The following ZNF440 variants were observed in gnomAD, a reference collection of about 807,000 sequenced individuals.
The protein encoded by ZNF440 is zinc finger protein 440.
A neutral mutation model predicts 49.7 loss-of-function variants in ZNF440; 47 were observed. The observed-to-expected ratio is 0.95, with a 90% CI of 0.75 to 1.21. The LOEUF (loss-of-function observed/expected upper bound fraction) is 1.21. Ranked by LOEUF, ZNF440 falls within the 50% of genes most tolerant of loss-of-function variation. ZNF440 has a pLI of 0.00. For missense variants in ZNF440, 703 were observed against 715.0 expected (o/e 0.98, Z 0.19); for synonymous variants, 255 against 237.7 (o/e 1.07, Z -0.67).
At chr19:11,822,957 A>G (rs1975817601) in intron 1 of ZNF440, among the ~76,000 whole-genome samples, 1 of 151,822 alleles carries the variant, frequency 6.6e-6, no homozygotes. Flanking sequence ...TCAAAGCTGC[A>G]GTGTTTAGTG....
At chr19:11,824,659 C>T (rs540186299) in intron 1 of ZNF440, among the ~76,000 whole-genome samples, 16 of 150,592 alleles carry the variant, frequency 1.1e-4, no homozygotes, top group Non-Finnish European at 2.2e-4. Flanking sequence ...AGATAATCCA[C>T]AGAGTTCCAG....
In ZNF440 at chr19:11,831,575, A is replaced by C. The variant is rs770071474; in HGVS notation, c.399A>C (p.Ala133=). The change falls in exon 4 of 4, where the codon GCA becomes GCC. Residue 133 remains alanine (A), a synonymous_variant. Transcript: ENST00000304060. ...MNIRGDIGHK[A]YEYQEYGPKP... ...TCAGAGGTGACATTGGACACAAGGC[A>C]TATGAGTATCAGGAATATGGACCAA... is the stretch of plus-strand genomic sequence containing the variant. 7.4e-6 allele frequency: 12 copies of C among 1,614,070 alleles called. No homozygotes were observed. The highest frequency in any genetic ancestry group is 1.6e-4 in the Middle Eastern group (1 of 6,084).
rs1975975224 is a variant in ZNF440 at position 11,833,157 on chromosome 19, A to T, written c.*193A>T. The T allele has an allele frequency of 1.5e-6, 2 of 1,329,584 alleles. No homozygotes were observed. The highest frequency in any genetic ancestry group is 2.1e-6 in the Non-Finnish European group (2 of 943,530). 82.4% of individuals were successfully genotyped at this position (1,329,584 alleles called of 1,614,324 possible). ...ACTCACACTGGAGAGAACCCCTATG[A>T]GTGTAAGCAATTTGGGAAAGCCTTC... On this transcript the variant is annotated 3_prime_UTR_variant, in exon 4 of 4. Coordinates refer to ENST00000304060, the MANE Select transcript of ZNF440 (RefSeq NM_152357.3).
chr19:11,833,292 A>T lies in ZNF440; in HGVS notation c.*328A>T, dbSNP rs1455209082. 2 of 586,118 alleles carry T rather than the reference A, an allele frequency of 3.4e-6. No homozygotes were observed. The highest frequency in any genetic ancestry group is 4.2e-5 in the East Asian group (1 of 23,792). 36.3% of individuals were successfully genotyped at this position (586,118 alleles called of 1,614,324 possible). A position where few individuals can be genotyped will look rare whatever the true frequency, so the allele number is the denominator to read the frequency against. The stretch of plus-strand genomic sequence containing the variant: ...CATAATTTCTCTTCTTTGCAAATAC[A>T]TGAAAGGATGCACAGAGGAGAGAAG... On this transcript the variant is annotated 3_prime_UTR_variant, in exon 4 of 4. Transcript: ENST00000304060.
rs912918337 is a variant in ZNF440 at position 11,830,639 on chromosome 19, C to T, written c.153C>T (p.Asn51=). The change falls in exon 3 of 4, where the codon AAC becomes AAT. Residue 51 remains asparagine (N), a synonymous_variant. Coordinates refer to ENST00000304060, the MANE Select transcript of ZNF440 (RefSeq NM_152357.3). Reference sequence around the variant, plus strand: ...TAGGAAAAAGGTGGAAAGACCAGAACATTGAATATGAGCACCAAAACCCCA... The same window carrying T: ...TAGGAAAAAGGTGGAAAGACCAGAATATTGAATATGAGCACCAAAACCCCA... The part of the protein sequence containing the change: ...TSLGKRWKDQ[N]IEYEHQNPRR... 3 of 1,613,898 alleles carry T rather than the reference C, an allele frequency of 1.9e-6. No homozygotes were observed. Among genetic ancestry groups the T allele is most frequent in the Non-Finnish European group, 2.5e-6 (3 of 1,179,984 alleles).
At chr19:11,814,736 T>G (rs1441861747) in intron 1 of ZNF440, among the ~76,000 whole-genome samples, 1 of 152,182 alleles carries the variant, frequency 6.6e-6, no homozygotes, top group African/African-American at 2.4e-5. Flanking sequence ...GCCTCGGATA[T>G]GGGGTTTGTT....
At chr19:11,829,462 G>C (rs1190718819) in intron 1 of ZNF440, among the ~76,000 whole-genome samples, 1 of 151,626 alleles carries the variant, frequency 6.6e-6, no homozygotes, top group Non-Finnish European at 1.5e-5. Flanking sequence ...TTGAGAACAG[G>C]CATTTTCAAG....
At chr19:11,822,037 A>G (rs1239802033) in intron 1 of ZNF440, among the ~76,000 whole-genome samples, 1 of 152,208 alleles carries the variant, frequency 6.6e-6, no homozygotes, top group Non-Finnish European at 1.5e-5. Context: ...GGTCTAGGGA[A>G]TTGACCAAGG....
intron 1 of ZNF440, among the ~76,000 whole-genome samples, chr19:11,824,706 CTTTT>C (rs71166634): frequency 8.3e-6 from 1 of 120,542 alleles, no homozygotes. Flanking sequence ...CCCCACCACC[CTTTT>C]TTTTTTTTTT....
At position 11,827,683 on chromosome 19, in the gene ZNF440, A is replaced by G. The variant is rs188650386; in HGVS notation, c.4-2600A>G. The G allele has an allele frequency of 6.8e-4, 104 of 152,342 alleles. 1 individual carries two copies. Among genetic ancestry groups the G allele is most frequent in the African/African-American group, 2.3e-3 (96 of 41,578 alleles). The allele number at this position is 152,342 out of a possible 1,614,324, so 9.4% of individuals were successfully genotyped here. A position where few individuals can be genotyped will look rare whatever the true frequency, so the allele number is the denominator to read the frequency against. ...CATATAAGTAAACGATTCATTAGGA[A>G]GTAGTTTTGTAAAAGGTGCAGTTCT... On this transcript the variant is annotated intron_variant, in intron 1 of 3. Coordinates refer to ENST00000304060, the MANE Select transcript of ZNF440 (RefSeq NM_152357.3).
Position 11,832,704 on chromosome 19 carries a change from C to A in ZNF440, c.1528C>A (p.Leu510Met). 1 of 1,614,002 alleles carries A rather than the reference C, an allele frequency of 6.2e-7. No individual in the cohort carries two copies. The highest frequency in any genetic ancestry group is 8.5e-7 in the Non-Finnish European group (1 of 1,180,000). The change falls in exon 4 of 4, where the codon CTG becomes ATG. Residue 510 changes from leucine (L) to methionine (M), a missense_variant. Physicochemically the swap from Leu to Met is conservative, Grantham distance 15. Coordinates refer to ENST00000304060, the MANE Select transcript of ZNF440 (RefSeq NM_152357.3). ...TTTTGATATCATGAAAGGACTCACA[C>A]TGGAGAGAAGCCCTATAAATGCGAG... is the stretch of plus-strand genomic sequence containing the variant. ...VPFDIMKGLT[L>M]ERSPINASNV...
chr19:11,832,428 C>A lies in ZNF440; in HGVS notation c.1252C>A (p.His418Asn), dbSNP rs1168712702. The A allele has an allele frequency of 6.2e-7, 1 of 1,613,542 alleles. No individual in the cohort carries two copies. The highest frequency in any genetic ancestry group is 2.2e-5 in the East Asian group (1 of 44,858). ...ASHLRVHGRT[H>N]TGEKPYECKE... ...ACACCTTCGAGTGCATGGTAGGACTCACACTGGAGAGAAACCGTATGAATG... is the reference window on the plus strand; with the variant it reads ...ACACCTTCGAGTGCATGGTAGGACTAACACTGGAGAGAAACCGTATGAATG... Residue 418 changes from histidine (H) to asparagine (N), a missense_variant, in exon 4 of 4, where the codon CAC (histidine) becomes AAC (asparagine). Coordinates refer to ENST00000304060, the MANE Select transcript of ZNF440 (RefSeq NM_152357.3).
At position 11,833,839 on chromosome 19, in the gene ZNF440, A is replaced by G. The variant is rs551683290; in HGVS notation, c.*875A>G. 1.6e-5 allele frequency: 11 copies of G among 667,290 alleles called. No homozygotes were observed. In the African/African-American group the frequency reaches 1.9e-4, roughly 11 times the overall value. The allele number at this position is 667,290 out of a possible 1,614,324, so 41.3% of individuals were successfully genotyped here. A position where few individuals can be genotyped will look rare whatever the true frequency, so the allele number is the denominator to read the frequency against. Reference sequence around the variant, plus strand: ...GAAAAACCCTATGAATGTAAGCAGTATGGGAAAGCGTTCAGACCTGACAAG... The same window carrying G: ...GAAAAACCCTATGAATGTAAGCAGTGTGGGAAAGCGTTCAGACCTGACAAG... On this transcript the variant is annotated 3_prime_UTR_variant, in exon 4 of 4. Coordinates refer to ENST00000304060, the MANE Select transcript of ZNF440 (RefSeq NM_152357.3).
Position 11,830,600 on chromosome 19 carries a change from C to G in ZNF440, c.131-17C>G, listed in dbSNP as rs1240469087. 1 of 1,611,658 alleles carries G rather than the reference C, an allele frequency of 6.2e-7. No homozygotes were observed. The highest frequency in any genetic ancestry group is 8.5e-7 in the Non-Finnish European group (1 of 1,179,414). On this transcript the variant is annotated splice_polypyrimidine_tract_variant and intron_variant, in intron 2 of 3. Coordinates refer to ENST00000304060, the MANE Select transcript of ZNF440 (RefSeq NM_152357.3). ...TTATACTGCCTCAGGACTATTTTTT[C>G]TGTGTCTGTATTTTAGGAAAAAGGT...
intron 1 of ZNF440, among the ~76,000 whole-genome samples, chr19:11,822,253 A>T (rs942365889): frequency 1.3e-5 from 2 of 152,218 alleles, no homozygotes; most frequent in African/African-American, 4.8e-5. Flanking sequence ...TGAGTTGACC[A>T]CATGGAGGAA....
chr19:11,822,261 G>T (rs900856031), intron 1 of ZNF440, among the ~76,000 whole-genome samples: 8 of 152,172 alleles, frequency 5.3e-5, no homozygotes, highest in African/African-American at 1.9e-4. Flanking sequence ...CCACATGGAG[G>T]AACTGGGAGA....
At chr19:11,818,688 C>T (rs1461450847) in intron 1 of ZNF440, among the ~76,000 whole-genome samples, 1 of 152,088 alleles carries the variant, frequency 6.6e-6, no homozygotes, top group Non-Finnish European at 1.5e-5. Context: ...CTATAGTCGC[C>T]CACCAGCACA....
intron 1 of ZNF440, 177 bp from the exon 2 acceptor site, chr19:11,830,106 A>C: frequency 7.4e-7 from 1 of 1,357,496 alleles, no homozygotes; most frequent in Non-Finnish European, 9.9e-7. Context: ...GTGAAAAAAA[A>C]AACAAGTTGC....
Position 11,832,724 on chromosome 19 carries a change from T to C in ZNF440, c.1548T>C (p.Asn516=), listed in dbSNP as rs1326553226. 6.2e-7 allele frequency: 1 copy of C among 1,613,572 alleles called. No homozygotes were observed. The highest frequency in any genetic ancestry group is 8.5e-7 in the Non-Finnish European group (1 of 1,179,922). ...TCACACTGGAGAGAAGCCCTATAAA[T>C]GCGAGCAATGTGGGAAAGCCTTCAG... ...KGLTLERSPI[N]ASNVGKPSEL... Residue 516 remains asparagine, a synonymous_variant, in exon 4 of 4, where the codon AAT becomes AAC. Transcript: ENST00000304060.
Sources: allele counts gnomAD v4.1 joint callset (sites outside exome capture counted in the v4.1 genomes callset), GRCh38; gene constraint gnomAD v4.1.1; transcripts MANE v1.5; gene names NCBI Gene and HGNC (gene_info 2026-07-23, HGNC 2026-07-21).